The following CTIF variants were observed in gnomAD, a reference collection of about 807,000 sequenced individuals.
CTIF encodes cap binding complex dependent translation initiation factor.
Under a neutral mutation model 66.0 loss-of-function variants are expected in CTIF, and 21 were observed. The ratio of observed to expected loss-of-function variants is 0.32; its 90% confidence interval spans 0.23 to 0.46. The LOEUF (loss-of-function observed/expected upper bound fraction) is 0.46, where lower values mean the gene tolerates loss of function less well. Among genes scored for constraint, CTIF ranks in the 20% least tolerant of loss-of-function variants. The pLI, the probability that CTIF is intolerant of heterozygous loss-of-function variation, is 1.00. For missense variants in CTIF, 739 were observed against 812.7 expected, an observed-to-expected ratio of 0.91 and a Z score of 1.10; for synonymous variants, 345 against 326.4, an observed-to-expected ratio of 1.06 and a Z score of -0.62.
intron 1 of CTIF, among the ~76,000 whole-genome samples, chr18:48,562,802 C>T (rs1329392441): frequency 6.6e-6 from 1 of 152,114 alleles, no homozygotes; most frequent in Non-Finnish European, 1.5e-5. Context: ...ATTTCAAAAC[C>T]GTAACTGAAA....
intron 7 of CTIF, among the ~76,000 whole-genome samples, chr18:48,726,896 C>T (rs556682173): frequency 1.3e-5 from 2 of 152,226 alleles, no homozygotes; most frequent in African/African-American, 4.8e-5. Flanking sequence ...AAAATAGTCT[C>T]ACCCCTCCCA....
At chr18:48,769,190 T>C (rs146606537) in intron 9 of CTIF, among the ~76,000 whole-genome samples, 302 of 152,374 alleles carry the variant, frequency 2.0e-3, no homozygotes, top group African/African-American at 6.3e-3. Flanking sequence ...ACTCCAGGCA[T>C]GTAAACTAAT....
At chr18:48,732,892 C>T (rs553436932) in intron 7 of CTIF, among the ~76,000 whole-genome samples, 3 of 152,270 alleles carry the variant, frequency 2.0e-5, no homozygotes, top group East Asian at 3.9e-4. Context: ...TTCATTCATT[C>T]GCGTTTTCAA....
chr18:48,757,377 A>G (rs1908485627), intron 7 of CTIF, among the ~76,000 whole-genome samples: 1 of 152,082 alleles, frequency 6.6e-6, no homozygotes, highest in African/African-American at 2.4e-5. Context: ...TTTGGGGGTG[A>G]AAATGACAAT....
chr18:48,648,917 C>G (rs2091103332), intron 3 of CTIF, among the ~76,000 whole-genome samples: 1 of 152,216 alleles, frequency 6.6e-6, no homozygotes, highest in African/African-American at 2.4e-5. Flanking sequence ...GTCAGGAGTT[C>G]AAGACCAGCC....
chr18:48,847,499 A>G (rs1481162114), intron 10 of CTIF, among the ~76,000 whole-genome samples: 1 of 152,096 alleles, frequency 6.6e-6, no homozygotes, highest in African/African-American at 2.4e-5. Flanking sequence ...TTTCTCTACC[A>G]ATTAAGCAGA....
chr18:48,612,767 C>T (rs956853899), intron 1 of CTIF, among the ~76,000 whole-genome samples: 2 of 152,186 alleles, frequency 1.3e-5, no homozygotes, highest in African/African-American at 2.4e-5. Flanking sequence ...GCTGATCTTA[C>T]GGTCACCAAG....
intron 7 of CTIF, among the ~76,000 whole-genome samples, chr18:48,721,471 C>G (rs966018820): frequency 6.6e-6 from 1 of 152,204 alleles, no homozygotes; most frequent in African/African-American, 2.4e-5. Context: ...TCTCCGGAGC[C>G]CCAAGCAACC....
intron 10 of CTIF, among the ~76,000 whole-genome samples, chr18:48,821,531 T>C (rs1214862147): frequency 6.6e-6 from 1 of 152,228 alleles, no homozygotes; most frequent in Non-Finnish European, 1.5e-5. Context: ...GGTGCATAAC[T>C]CAGCACCTAT....
chr18:48,719,720 A>G (rs780988920), intron 7 of CTIF, among the ~76,000 whole-genome samples: 3 of 152,090 alleles, frequency 2.0e-5, no homozygotes, highest in Non-Finnish European at 4.4e-5. Flanking sequence ...CACCCTTCTC[A>G]TGGTTCTGTT....
At chr18:48,700,069 C>G (rs917026821) in intron 6 of CTIF, among the ~76,000 whole-genome samples, 1 of 152,202 alleles carries the variant, frequency 6.6e-6, no homozygotes, top group Non-Finnish European at 1.5e-5. Flanking sequence ...CCAGATTTCA[C>G]TTTGAATTAT....
intron 1 of CTIF, among the ~76,000 whole-genome samples, chr18:48,597,793 A>G (rs2090014161): frequency 6.6e-6 from 1 of 152,210 alleles, no homozygotes; most frequent in Non-Finnish European, 1.5e-5. Flanking sequence ...ACAGGTGGAT[A>G]GCAGTTGTCT....
intron 9 of CTIF, among the ~76,000 whole-genome samples, chr18:48,766,872 A>G (rs1323093235): frequency 1.4e-5 from 1 of 71,052 alleles, no homozygotes; most frequent in Non-Finnish European, 3.5e-5. Context: ...GATGAAAGCC[A>G]CCTCTTCTCT....
At position 48,627,899 on chromosome 18, in the gene CTIF, C is replaced by T. The variant is rs1007050968; in HGVS notation, c.180+8154C>T. ...GCCAGGGCAAAACTCTGGTGTGGGG[C>T]ATACCACACAGTCAAACGGGATCCC... On this transcript the variant is annotated intron_variant, in intron 2 of 11. Coordinates refer to ENST00000256413, the MANE Select transcript of CTIF (RefSeq NM_014772.3). Among the ~76,000 whole-genome samples, 6 of 152,132 alleles carry T rather than the reference C, an allele frequency of 3.9e-5. No individual in the cohort carries two copies. The East Asian group carries it at 9.7e-4, about 24-fold the overall frequency.
chr18:48,722,206 C>CTTT lies in CTIF; in HGVS notation c.584+10533_584+10535dup, dbSNP rs34736291. ...TAAGCCTCATACTCCTGGCCCTGTG[C>CTTT]TTTTTTTTTTTTTTTTTTTTTTTTG... On this transcript the variant is annotated intron_variant, in intron 7 of 11. Transcript: ENST00000256413. Among the ~76,000 whole-genome samples the CTTT allele has an allele frequency of 9.3e-3, 756 of 81,090 alleles. 4 individuals are homozygous for CTTT. Among genetic ancestry groups the CTTT allele is most frequent in the Non-Finnish European group, 0.012 (537 of 45,240 alleles). 53.2% of individuals were successfully genotyped at this position (81,090 alleles called of 152,430 possible). A position where few individuals can be genotyped will look rare whatever the true frequency, so the allele number is the denominator to read the frequency against.
Position 48,761,369 on chromosome 18 carries a change from A to C in CTIF, c.1072-21A>C. 1 of 1,607,636 alleles carries C rather than the reference A, an allele frequency of 6.2e-7. No homozygotes were observed. Among genetic ancestry groups the C allele is most frequent in the Non-Finnish European group, 8.5e-7 (1 of 1,175,860 alleles). ...ACCTCGGCTTCACTCAGGCACATTCATTTGTCTCCGACACCCCCAGGATGA... is the reference window on the plus strand; with the variant it reads ...ACCTCGGCTTCACTCAGGCACATTCCTTTGTCTCCGACACCCCCAGGATGA... On this transcript the variant is annotated intron_variant, in intron 8 of 11. Transcript: ENST00000256413. The surrounding 1 kb of genome is among the most constrained non-coding windows in gnomAD (Gnocchi z 4.2).
rs1419089153 is a variant in CTIF, at chr18:48,859,986, G to A, written c.*427G>A. 4.3e-6 allele frequency: 2 copies of A among 461,986 alleles called. No individual in the cohort carries two copies. The highest frequency in any genetic ancestry group is 4.7e-5 in the Admixed American group (2 of 42,714). 28.6% of individuals were successfully genotyped at this position (461,986 alleles called of 1,614,324 possible). ...CTCGGAAGGCTGAAAAAGTGGGTCG[G>A]AGACGGGCTCGCATTGTTCCCGCAT... On this transcript the variant is annotated 3_prime_UTR_variant, in exon 12 of 12. Coordinates refer to ENST00000256413, the MANE Select transcript of CTIF (RefSeq NM_014772.3).
chr18:48,696,357 C>A (rs978330973), intron 6 of CTIF, among the ~76,000 whole-genome samples: 3 of 152,210 alleles, frequency 2.0e-5, no homozygotes, highest in African/African-American at 7.2e-5. Context: ...TGGGACCCCC[C>A]TGTTGGTGCT....
intron 9 of CTIF, among the ~76,000 whole-genome samples, chr18:48,783,300 C>T (rs541910259): frequency 3.2e-4 from 48 of 152,298 alleles, no homozygotes; most frequent in African/African-American, 1.1e-3. Context: ...GAAAAGTCGT[C>T]GACTGCCCTT....
Sources: allele counts gnomAD v4.1 joint callset (sites outside exome capture counted in the v4.1 genomes callset), GRCh38; gene constraint gnomAD v4.1.1; non-coding constraint Gnocchi (gnomAD v3.1); transcripts MANE v1.5; gene names NCBI Gene and HGNC (gene_info 2026-07-23, HGNC 2026-07-21).